Variants in CCSER1 observed in about 807,000 individuals in gnomAD.
The protein encoded by CCSER1 is serine-rich coiled-coil domain-containing protein 1.
CCSER1 carries 41 observed loss-of-function variants against 82.0 expected under a neutral mutation model. The ratio of observed to expected loss-of-function variants is 0.50; its 90% CI spans 0.39 to 0.65. CCSER1 has a LOEUF of 0.65. CCSER1 is among the 30% of genes least tolerant of loss of function. The pLI, the probability that CCSER1 is intolerant of heterozygous loss-of-function variation, is 0.00. For synonymous variants in CCSER1, 414 were observed against 383.9 expected (o/e 1.08, Z -0.92); for missense variants, 1,119 against 1,064.2 (o/e 1.05, Z -0.72).
At chr4:91,232,532 A>G (rs903783076) in intron 10 of CCSER1, among the ~76,000 whole-genome samples, 3 of 151,824 alleles carry the variant, frequency 2.0e-5, no homozygotes, top group East Asian at 1.9e-4. Context: ...AACTATGCCT[A>G]TAATAACTAG....
chr4:91,306,365 A>G (rs1245041416), intron 10 of CCSER1, among the ~76,000 whole-genome samples: 4 of 152,036 alleles, frequency 2.6e-5, no homozygotes, highest in Non-Finnish European at 4.4e-5. Context: ...CTTTCTCTAA[A>G]ACAGATTCTT....
At chr4:90,352,501 A>G (rs1348764296) in intron 3 of CCSER1, among the ~76,000 whole-genome samples, 1 of 151,880 alleles carries the variant, frequency 6.6e-6, no homozygotes, top group Non-Finnish European at 1.5e-5. Flanking sequence ...CGTCCCTACT[A>G]AAATACAAAA....
At chr4:91,262,731 T>C (rs1741285405) in intron 10 of CCSER1, among the ~76,000 whole-genome samples, 1 of 152,020 alleles carries the variant, frequency 6.6e-6, no homozygotes, top group Non-Finnish European at 1.5e-5. Flanking sequence ...ATTTTTACCA[T>C]ACCTGAATAG....
At chr4:91,164,262 C>T (rs1056907621) in intron 10 of CCSER1, among the ~76,000 whole-genome samples, 2 of 152,182 alleles carry the variant, frequency 1.3e-5, no homozygotes, top group African/African-American at 4.8e-5. Context: ...TTGACCCCCA[C>T]TTTTTTCTGG....
At chr4:90,915,802 C>A (rs1191780655) in intron 8 of CCSER1, among the ~76,000 whole-genome samples, 1 of 151,982 alleles carries the variant, frequency 6.6e-6, no homozygotes, top group African/African-American at 2.4e-5. Flanking sequence ...AGCTGATAAG[C>A]AACTTCAGCA....
At chr4:91,348,112 G>T (rs1449214209) in intron 10 of CCSER1, among the ~76,000 whole-genome samples, 2 of 152,014 alleles carry the variant, frequency 1.3e-5, no homozygotes, top group African/African-American at 4.8e-5. Context: ...AGCTGTAAGT[G>T]TTTATAGATT....
intron 10 of CCSER1, among the ~76,000 whole-genome samples, chr4:91,522,212 G>A (rs1013150682): frequency 6.6e-5 from 10 of 152,218 alleles, no homozygotes; most frequent in African/African-American, 2.2e-4. Context: ...TACTTCCGAG[G>A]ACTCTGTTCT....
intron 10 of CCSER1, among the ~76,000 whole-genome samples, chr4:91,309,847 G>T (rs976893902): frequency 6.6e-6 from 1 of 151,854 alleles, no homozygotes; most frequent in African/African-American, 2.4e-5. Context: ...AGTTTCCCAG[G>T]CCTGCCATAA....
intron 1 of CCSER1, among the ~76,000 whole-genome samples, chr4:90,278,488 A>G (rs893521404): frequency 1.3e-5 from 2 of 152,166 alleles, no homozygotes; most frequent in African/African-American, 2.4e-5. Flanking sequence ...ATGGAATACT[A>G]TGCAGCCATA....
intron 10 of CCSER1, among the ~76,000 whole-genome samples, chr4:91,389,776 A>G (rs893362036): frequency 6.6e-6 from 1 of 151,962 alleles, no homozygotes. Context: ...AGTTTGCCTC[A>G]TGTAAATCTT....
intron 10 of CCSER1, among the ~76,000 whole-genome samples, chr4:91,525,085 C>T (rs910386355): frequency 1.6e-4 from 24 of 151,942 alleles, no homozygotes; most frequent in Admixed American, 3.9e-4. Context: ...CTAACTAATA[C>T]GAGAATCTCC....
chr4:91,182,302 C>G (rs183521319), intron 10 of CCSER1, among the ~76,000 whole-genome samples: 1 of 152,168 alleles, frequency 6.6e-6, no homozygotes, highest in Non-Finnish European at 1.5e-5. Context: ...ATAATCTCTA[C>G]CCCAAGTTAT....
chr4:90,462,280 G>C (rs970702292), intron 4 of CCSER1, among the ~76,000 whole-genome samples: 17 of 152,078 alleles, frequency 1.1e-4, no homozygotes, highest in African/African-American at 4.1e-4. Flanking sequence ...AGTAATCAAC[G>C]TATGTGATTT....
Position 90,308,955 on chromosome 4 carries a change from T to A in CCSER1, c.671T>A (p.Val224Glu), listed in dbSNP as rs759952569. 2 of 1,613,838 alleles carry A rather than the reference T, an allele frequency of 1.2e-6. No individual in the cohort carries two copies. The highest frequency in any genetic ancestry group is 2.2e-5 in the South Asian group (2 of 91,070). ...TACCAAGAGAGAGAACCTGTATTAG[T>A]AAGAGCTTCGCCATCCTGTTCTGTG... ...TQYQEREPVL[V>E]RASPSCSVDV... Residue 224 changes from valine to glutamate, a missense_variant, in exon 2 of 11, where the codon GTA (valine) becomes GAA (glutamate). By Grantham distance (121) the Val-to-Glu change is moderately radical. Transcript: ENST00000509176.
intron 9 of CCSER1, among the ~76,000 whole-genome samples, chr4:90,956,929 G>A (rs1452622006): frequency 2.1e-5 from 3 of 141,262 alleles, no homozygotes; most frequent in African/African-American, 5.2e-5. Flanking sequence ...ACAGGTGTGT[G>A]CCACCACAAC....
intron 10 of CCSER1, among the ~76,000 whole-genome samples, chr4:91,117,542 A>G (rs1223725555): frequency 3.9e-5 from 6 of 152,250 alleles, no homozygotes; most frequent in East Asian, 1.9e-4. Context: ...CTTCAATTCA[A>G]TGAAGTTCAT....
intron 8 of CCSER1, among the ~76,000 whole-genome samples, chr4:90,818,493 T>C (rs1284420990): frequency 6.6e-6 from 1 of 152,132 alleles, no homozygotes; most frequent in Non-Finnish European, 1.5e-5. Flanking sequence ...GGCTAGCTGG[T>C]CTTGAACTCC....
chr4:90,891,250 T>G (rs1457863519), intron 8 of CCSER1, among the ~76,000 whole-genome samples: 1 of 151,728 alleles, frequency 6.6e-6, no homozygotes, highest in East Asian at 1.9e-4. Flanking sequence ...TATAGTATAC[T>G]AAGAGTAAGG....
At chr4:90,532,298 G>T (rs943974457) in intron 5 of CCSER1, among the ~76,000 whole-genome samples, 1 of 152,060 alleles carries the variant, frequency 6.6e-6, no homozygotes, top group African/African-American at 2.4e-5. Context: ...GCACATTTTA[G>T]TCTGCCTTTT....
Sources: allele counts gnomAD v4.1 joint callset (sites outside exome capture counted in the v4.1 genomes callset), GRCh38; gene constraint gnomAD v4.1.1; transcripts MANE v1.5; gene names NCBI Gene and HGNC (gene_info 2026-07-23, HGNC 2026-07-21).